SETBP1: variants seen among roughly 807,000 people sequenced by gnomAD.
SETBP1 encodes the protein SET binding protein 1.
A neutral mutation model predicts 101.0 loss-of-function variants in SETBP1; 9 were observed. The ratio of observed to expected loss-of-function variants is 0.09; its 90% CI spans 0.05 to 0.16. The LOEUF (loss-of-function observed/expected upper bound fraction) is 0.16. SETBP1 is among the 10% of genes least tolerant of loss of function. The pLI is 1.00. For missense variants in SETBP1, 1,858 were observed against 2,033.8 expected, an observed-to-expected ratio of 0.91 and a Z score of 1.66; for synonymous variants, 818 against 788.5, an observed-to-expected ratio of 1.04 and a Z score of -0.63.
At chr18:44,704,563 G>A (rs1056731524) in intron 2 of SETBP1, among the ~76,000 whole-genome samples, 1 of 152,170 alleles carries the variant, frequency 6.6e-6, no homozygotes, top group African/African-American at 2.4e-5. Context: ...TCATCACTGA[G>A]TCTCAATTAC....
intron 4 of SETBP1, among the ~76,000 whole-genome samples, chr18:44,960,141 C>A (rs915178222): frequency 6.6e-6 from 1 of 152,054 alleles, no homozygotes; most frequent in African/African-American, 2.4e-5. Context: ...AAGTGATCCT[C>A]CCGCCTCGGC....
chr18:44,830,652 A>G (rs534383328), intron 2 of SETBP1, among the ~76,000 whole-genome samples: 1 of 152,340 alleles, frequency 6.6e-6, no homozygotes, highest in Admixed American at 6.5e-5. Flanking sequence ...GACAGCTCTC[A>G]GAGAGCAGAG....
intron 5 of SETBP1, among the ~76,000 whole-genome samples, chr18:45,043,654 T>C (rs181660470): frequency 2.0e-5 from 3 of 152,346 alleles, no homozygotes; most frequent in Admixed American, 2.0e-4. Context: ...TTAAATTTCA[T>C]AAGTCTGTTA....
At chr18:44,716,949 C>T (rs189036010) in intron 2 of SETBP1, among the ~76,000 whole-genome samples, 3 of 152,184 alleles carry the variant, frequency 2.0e-5, no homozygotes, top group African/African-American at 7.2e-5. Context: ...ACAACAGCTG[C>T]CATTTTGCTA....
chr18:44,757,227 A>T (rs2070517314), intron 2 of SETBP1, among the ~76,000 whole-genome samples: 2 of 152,188 alleles, frequency 1.3e-5, no homozygotes, highest in Non-Finnish European at 2.9e-5. Flanking sequence ...TCTGCCCTGA[A>T]TTTGGCTTTA....
rs141108624 is a variant in SETBP1, at chr18:44,953,130, T to G, written c.3790T>G (p.Ser1264Ala). 166 of 1,614,120 alleles carry G rather than the reference T, an allele frequency of 1.0e-4. No individual in the cohort carries two copies. The African/African-American group carries it at 1.9e-3, about 19-fold the overall frequency. ...EPVDSCTKRY[S>A]GSGGDGGSTR... is the part of the protein sequence containing the mutation. Reference sequence around the variant, plus strand: ...TGTGGACTCATGCACGAAAAGATACTCTGGCAGTGGCGGGGATGGTGGCAG... The same window carrying G: ...TGTGGACTCATGCACGAAAAGATACGCTGGCAGTGGCGGGGATGGTGGCAG... The change falls in exon 4 of 6, where the codon TCT becomes GCT. Residue 1264 changes from serine (S) to alanine (A), a missense_variant. Physicochemically the swap from Ser to Ala is moderately conservative, Grantham distance 99. Transcript: ENST00000649279.
chr18:44,736,081 T>TGCCATATCATTAAGAAGGTCAGGCTGG (rs1327260241), intron 2 of SETBP1, among the ~76,000 whole-genome samples: 16 of 152,148 alleles, frequency 1.1e-4, no homozygotes, highest in Non-Finnish European at 2.1e-4. Context: ...CAAAGGGAAA[T>TGCCATATCATTAAGAAGGTCAGGCTGG]GCCATATCAT....
chr18:45,035,945 A>ACTGG (rs2073387567), intron 4 of SETBP1, among the ~76,000 whole-genome samples: 1 of 152,202 alleles, frequency 6.6e-6, no homozygotes, highest in Non-Finnish European at 1.5e-5. Flanking sequence ...CAGTGCCCAT[A>ACTGG]GGCTTCTGGA....
Position 44,953,151 on chromosome 18 carries a change from G to A in SETBP1, c.3811G>A (p.Gly1271Ser), listed in dbSNP as rs908625373. The change falls in exon 4 of 6, where the codon GGC becomes AGC. Residue 1271 changes from glycine (G) to serine (S), a missense_variant. Transcript: ENST00000649279. The part of the protein sequence containing the change: ...KRYSGSGGDG[G>S]STRSENLDVF... ...ATACTCTGGCAGTGGCGGGGATGGT[G>A]GCAGCACGAGATCAGAGAACCTGGA... 1.2e-6 allele frequency: 2 copies of A among 1,614,046 alleles called. No individual in the cohort carries two copies. The highest frequency in any genetic ancestry group is 1.7e-6 in the Non-Finnish European group (2 of 1,180,012).
At chr18:45,062,484 G>A (rs1463015302) in intron 5 of SETBP1, among the ~76,000 whole-genome samples, 1 of 152,194 alleles carries the variant, frequency 6.6e-6, no homozygotes, top group East Asian at 1.9e-4. Context: ...AAGCCTCCTT[G>A]TGTCAGTGGA....
In SETBP1 at chr18:44,839,059, T is replaced by A. The variant is rs182520217; in HGVS notation, c.487-30171T>A. Among the ~76,000 whole-genome samples the A allele has an allele frequency of 2.8e-3, 406 of 145,138 alleles. 2 individuals carry two copies. The highest frequency in any genetic ancestry group is 4.5e-3 in the Non-Finnish European group (296 of 65,802). ...GATGTGACTTCTCAGCAATGAATGA[T>A]TCTCTTAATATCTTAAAAAAAAAAA... On this transcript the variant is annotated intron_variant, in intron 2 of 5. Transcript: ENST00000649279.
At chr18:44,978,396 A>T (rs1188013220) in intron 4 of SETBP1, among the ~76,000 whole-genome samples, 1 of 152,194 alleles carries the variant, frequency 6.6e-6, no homozygotes, top group Non-Finnish European at 1.5e-5. Flanking sequence ...ATTTTACATG[A>T]TATCTTGTAG....
intron 2 of SETBP1, among the ~76,000 whole-genome samples, chr18:44,837,639 A>C (rs2072526120): frequency 6.6e-6 from 1 of 152,144 alleles, no homozygotes. Context: ...TCAGCCTAAG[A>C]GGCGATGCGG....
chr18:45,043,381 T>TCA lies in SETBP1; in HGVS notation c.4171+4741_4171+4742dup, dbSNP rs765515143. Among the ~76,000 whole-genome samples the TCA allele has an allele frequency of 4.9e-3, 709 of 146,174 alleles. 9 individuals carry two copies. The highest frequency in any genetic ancestry group is 0.017 in the African/African-American group (672 of 39,436). ...CTCTCTCTCTCACACACTCACACAC[T>TCA]CACACACACACACACAAACACATAC... is the stretch of plus-strand genomic sequence containing the variant. On this transcript the variant is annotated intron_variant, in intron 5 of 5. Coordinates refer to ENST00000649279, the MANE Select transcript of SETBP1 (RefSeq NM_015559.3).
Position 44,809,867 on chromosome 18 carries a change from C to G in SETBP1, c.487-59363C>G, listed in dbSNP as rs935495092. 1.5e-4 allele frequency among the ~76,000 whole-genome samples: 23 copies of G among 152,110 alleles called. 1 individual carries two copies. Among genetic ancestry groups the G allele is most frequent in the Admixed American group, 9.8e-4 (15 of 15,264 alleles). On this transcript the variant is annotated intron_variant, in intron 2 of 5. Coordinates refer to ENST00000649279, the MANE Select transcript of SETBP1 (RefSeq NM_015559.3). ...GGAGGTTGAAACACTCAGAATAACCCTTTTTAGGAAAGAATCTAATGCAGA... is the reference window on the plus strand; with the variant it reads ...GGAGGTTGAAACACTCAGAATAACCGTTTTTAGGAAAGAATCTAATGCAGA...
chr18:44,765,928 A>G (rs1275301138), intron 2 of SETBP1, among the ~76,000 whole-genome samples: 2 of 152,244 alleles, frequency 1.3e-5, no homozygotes, highest in Non-Finnish European at 2.9e-5. Context: ...AATGATTATA[A>G]TAGTAATTAG....
At chr18:44,707,148 C>A (rs577529416) in intron 2 of SETBP1, among the ~76,000 whole-genome samples, 1 of 152,328 alleles carries the variant, frequency 6.6e-6, no homozygotes, top group African/African-American at 2.4e-5. Flanking sequence ...GAAGCCAATT[C>A]TATTAGACTC....
At chr18:44,824,056 T>C (rs920628736) in intron 2 of SETBP1, among the ~76,000 whole-genome samples, 3 of 152,168 alleles carry the variant, frequency 2.0e-5, no homozygotes, top group Non-Finnish European at 4.4e-5. Flanking sequence ...CATTCAAACT[T>C]CTTTTCACTC....
At chr18:44,919,159 C>G (rs2070516955) in intron 3 of SETBP1, among the ~76,000 whole-genome samples, 1 of 152,120 alleles carries the variant, frequency 6.6e-6, no homozygotes, top group Non-Finnish European at 1.5e-5. Context: ...ATAGTTTGTG[C>G]TCAGTAAATA....
Sources: allele counts gnomAD v4.1 joint callset (sites outside exome capture counted in the v4.1 genomes callset), GRCh38; gene constraint gnomAD v4.1.1; transcripts MANE v1.5; gene names NCBI Gene and HGNC (gene_info 2026-07-23, HGNC 2026-07-21).